Variants in WWOX observed in about 807,000 individuals in gnomAD.
WWOX encodes WW domain containing oxidoreductase.
A neutral mutation model predicts 46.2 loss-of-function variants in WWOX; 69 were observed. That is an observed-to-expected ratio of 1.49 (90% confidence interval 1.23 to 1.82). The LOEUF is 1.82. Ranked by LOEUF, WWOX falls within the 40% of genes most tolerant of loss-of-function variation. The pLI is 0.00. For synonymous variants in WWOX, 359 were observed against 202.6 expected (o/e 1.77, Z -6.56); for missense variants, 919 against 542.6 (o/e 1.69, Z -6.89).
chr16:78,554,278 T>C (rs2044238089), intron 8 of WWOX, among the ~76,000 whole-genome samples: 1 of 152,168 alleles, frequency 6.6e-6, no homozygotes, highest in South Asian at 2.1e-4. Flanking sequence ...ATCAGTGGTA[T>C]AAGCCCCGTA....
At chr16:78,828,198 G>A (rs913226328) in intron 8 of WWOX, among the ~76,000 whole-genome samples, 1 of 152,182 alleles carries the variant, frequency 6.6e-6, no homozygotes, top group Non-Finnish European at 1.5e-5. Context: ...GTTGGGGGCT[G>A]AGGACTTCAA....
chr16:78,168,000 T>A (rs573260776), intron 5 of WWOX: 5 of 152,312 alleles, frequency 3.3e-5, no homozygotes, highest in Admixed American at 3.3e-4. Context: ...ATTCATATGT[T>A]ACCTACGATG....
At chr16:78,403,511 A>G (rs949827990) in intron 6 of WWOX, among the ~76,000 whole-genome samples, 12 of 152,088 alleles carry the variant, frequency 7.9e-5, no homozygotes, top group African/African-American at 2.9e-4. Context: ...TAGCAATGCT[A>G]ATGTGTTTTC....
intron 8 of WWOX, among the ~76,000 whole-genome samples, chr16:79,103,265 A>G (rs1597378114): frequency 6.6e-6 from 1 of 152,218 alleles, no homozygotes; most frequent in Non-Finnish European, 1.5e-5. Context: ...CTGAAGAGGC[A>G]TCTATTAATT....
At chr16:78,451,307 G>C (rs191236439) in intron 8 of WWOX, among the ~76,000 whole-genome samples, 1 of 152,314 alleles carries the variant, frequency 6.6e-6, no homozygotes, top group African/African-American at 2.4e-5. Context: ...TTCACTGAAT[G>C]AGTATACATT....
chr16:78,618,530 G>A (rs1378193164), intron 8 of WWOX, among the ~76,000 whole-genome samples: 1 of 152,024 alleles, frequency 6.6e-6, no homozygotes, highest in Admixed American at 6.6e-5. Flanking sequence ...ACCATATAAT[G>A]ACTTTATTTT....
chr16:78,408,845 G>T (rs957758440), intron 6 of WWOX, among the ~76,000 whole-genome samples: 3 of 152,286 alleles, frequency 2.0e-5, no homozygotes, highest in East Asian at 1.9e-4. Context: ...GAGGGATTCT[G>T]TGAGCCCCAT....
intron 5 of WWOX, among the ~76,000 whole-genome samples, chr16:78,194,354 G>A (rs565130171): frequency 1.8e-4 from 27 of 151,690 alleles, no homozygotes; most frequent in Non-Finnish European, 3.2e-4. Flanking sequence ...TTGGGAGGCC[G>A]AGGCGGGTGG....
chr16:79,113,918 C>T (rs1248997666), intron 8 of WWOX, among the ~76,000 whole-genome samples: 2 of 152,176 alleles, frequency 1.3e-5, no homozygotes, highest in Non-Finnish European at 2.9e-5. Flanking sequence ...ATCGGAGTAG[C>T]AGGGCTGAGT....
At chr16:78,723,268 C>T (rs2048736510) in intron 8 of WWOX, among the ~76,000 whole-genome samples, 1 of 152,130 alleles carries the variant, frequency 6.6e-6, no homozygotes, top group South Asian at 2.1e-4. Context: ...TTAGAATCAC[C>T]TGGGAAGCTT....
chr16:78,698,019 T>G (rs1467224374), intron 8 of WWOX, among the ~76,000 whole-genome samples: 1 of 152,218 alleles, frequency 6.6e-6, no homozygotes, highest in Non-Finnish European at 1.5e-5. Context: ...CAAGATATAC[T>G]ATGTGTTTCA....
chr16:78,976,251 A>G (rs533764935), intron 8 of WWOX, among the ~76,000 whole-genome samples: 3 of 152,304 alleles, frequency 2.0e-5, no homozygotes, highest in Admixed American at 6.5e-5. Flanking sequence ...GCACACTTTA[A>G]TCTTACCAGC....
intron 8 of WWOX, among the ~76,000 whole-genome samples, chr16:78,572,602 CA>C (rs35178787): frequency 0.13 from 5,169 of 41,060 alleles, 13 homozygotes; most frequent in African/African-American, 0.16. Context: ...GACTCTGTCT[CA>C]AAAAAAAAAA....
At chr16:78,256,999 C>G (rs1427147820) in intron 5 of WWOX, among the ~76,000 whole-genome samples, 1 of 152,092 alleles carries the variant, frequency 6.6e-6, no homozygotes, top group East Asian at 1.9e-4. Context: ...GCAGTCTACT[C>G]TTAATGGCAC....
At chr16:78,667,332 T>C (rs2047354634) in intron 8 of WWOX, among the ~76,000 whole-genome samples, 1 of 152,352 alleles carries the variant, frequency 6.6e-6, no homozygotes, top group East Asian at 1.9e-4. Flanking sequence ...GAATGGGTTA[T>C]CTCAATATAT....
intron 8 of WWOX, among the ~76,000 whole-genome samples, chr16:79,166,425 A>G (rs997438427): frequency 9.9e-5 from 15 of 152,160 alleles, no homozygotes; most frequent in Admixed American, 8.5e-4. Flanking sequence ...CATTCCAATG[A>G]TAAATCCTCC....
intron 8 of WWOX, among the ~76,000 whole-genome samples, chr16:78,981,089 T>C (rs770166445): frequency 5.3e-5 from 8 of 152,160 alleles, no homozygotes; most frequent in Non-Finnish European, 1.0e-4. Flanking sequence ...CTCATTCGAG[T>C]TCTTCCTGTG....
At chr16:78,668,815 G>A (rs755434353) in intron 8 of WWOX, among the ~76,000 whole-genome samples, 1 of 152,128 alleles carries the variant, frequency 6.6e-6, no homozygotes, top group Non-Finnish European at 1.5e-5. Context: ...TCAGACATGG[G>A]CACCTTCAGA....
chr16:79,026,479 C>A (rs1489285280), intron 8 of WWOX, among the ~76,000 whole-genome samples: 1 of 151,634 alleles, frequency 6.6e-6, no homozygotes, highest in African/African-American at 2.4e-5. Context: ...CAGTTCTGTA[C>A]TTGTTCATGT....
Sources: allele counts gnomAD v4.1 joint callset (sites outside exome capture counted in the v4.1 genomes callset), GRCh38; gene constraint gnomAD v4.1.1; transcripts MANE v1.5; gene names NCBI Gene and HGNC (gene_info 2026-07-23, HGNC 2026-07-21).